Variants in MRTFB observed in about 807,000 individuals in gnomAD.
MRTFB encodes myocardin related transcription factor B.
MRTFB carries 29 observed loss-of-function variants against 104.2 expected under a neutral mutation model. The observed-to-expected ratio is 0.28, with a 90% CI of 0.21 to 0.38. The LOEUF is 0.38. Ranked by LOEUF, MRTFB falls within the 10% of genes least tolerant of loss-of-function variation. The pLI, the probability that MRTFB is intolerant of heterozygous loss-of-function variation, is 1.00. For synonymous variants in MRTFB, 535 were observed against 519.5 expected (o/e 1.03, Z -0.41); for missense variants, 1,270 against 1,341.6 (o/e 0.95, Z 0.83).
chr16:14,224,365 C>T (rs1341178539), intron 8 of MRTFB, among the ~76,000 whole-genome samples: 2 of 152,146 alleles, frequency 1.3e-5, no homozygotes, highest in Non-Finnish European at 2.9e-5. Flanking sequence ...TACAGTGTGC[C>T]TTTACAGTGT....
chr16:14,114,163 C>A (rs2036417693), intron 2 of MRTFB, among the ~76,000 whole-genome samples: 2 of 152,120 alleles, frequency 1.3e-5, no homozygotes, highest in South Asian at 4.1e-4. Flanking sequence ...AATGTCTTCC[C>A]AATTGACATC....
chr16:14,138,014 G>C (rs1456303997), intron 2 of MRTFB, among the ~76,000 whole-genome samples: 1 of 151,896 alleles, frequency 6.6e-6, no homozygotes, highest in Non-Finnish European at 1.5e-5. Context: ...TGATGTTTTA[G>C]CTGAAACTAT....
At chr16:14,013,870 C>T in the MRTFB span, among the ~76,000 whole-genome samples, 6,394 of 152,300 alleles carry the variant, frequency 0.042, 438 homozygotes, top group African/African-American at 0.14. Context: ...AGGTCTCACT[C>T]ACTGGAGGAC....
chr16:14,226,679 C>T (rs1324594617), intron 8 of MRTFB, among the ~76,000 whole-genome samples: 2 of 152,108 alleles, frequency 1.3e-5, no homozygotes, highest in African/African-American at 4.8e-5. Flanking sequence ...AGAAATCTTT[C>T]CTCAAAACGT....
chr16:14,218,483 T>C (rs2041531271), intron 7 of MRTFB, among the ~76,000 whole-genome samples: 1 of 152,162 alleles, frequency 6.6e-6, no homozygotes, highest in Admixed American at 6.5e-5. Context: ...TTCTTATTTG[T>C]TGAGAAAAAG....
chr16:14,050,513 C>T, the MRTFB span, among the ~76,000 whole-genome samples: 4 of 152,136 alleles, frequency 2.6e-5, no homozygotes, highest in Non-Finnish European at 5.9e-5. Context: ...TACTACTCCA[C>T]AGGCTGAGGC....
chr16:14,023,459 C>G, the MRTFB span, among the ~76,000 whole-genome samples: 556 of 151,870 alleles, frequency 3.7e-3, 10 homozygotes, highest in South Asian at 0.049. Context: ...GCCTGATGGC[C>G]TGTGCTTAAA....
intron 3 of MRTFB, among the ~76,000 whole-genome samples, chr16:14,185,866 G>A (rs2039934597): frequency 6.6e-6 from 1 of 152,114 alleles, no homozygotes; most frequent in African/African-American, 2.4e-5. Context: ...CTCCACATTT[G>A]CCTGGAATTC....
chr16:14,162,695 C>T (rs555343398), intron 3 of MRTFB, among the ~76,000 whole-genome samples: 28 of 152,168 alleles, frequency 1.8e-4, no homozygotes, highest in African/African-American at 6.0e-4. Context: ...TACTCTGTGG[C>T]GTTAGAAATC....
chr16:14,017,711 A>ATATATT, the MRTFB span, among the ~76,000 whole-genome samples: 6 of 33,594 alleles, frequency 1.8e-4, no homozygotes, highest in African/African-American at 7.1e-4. Context: ...ATATATATAT[A>ATATATT]TTTTTTTTTT....
chr16:14,188,733 C>A (rs2151042919), intron 3 of MRTFB, among the ~76,000 whole-genome samples: 1 of 152,292 alleles, frequency 6.6e-6, no homozygotes, highest in South Asian at 2.1e-4. Context: ...CTCATTTGTA[C>A]AATGAGGAGA....
intron 3 of MRTFB, among the ~76,000 whole-genome samples, chr16:14,146,033 G>A (rs2038294188): frequency 2.0e-5 from 3 of 152,238 alleles, no homozygotes; most frequent in African/African-American, 7.2e-5. Context: ...ATGCTGGCTG[G>A]TGAATTTAAG....
At chr16:14,228,845 T>C (rs1017101298) in intron 8 of MRTFB, among the ~76,000 whole-genome samples, 3 of 152,190 alleles carry the variant, frequency 2.0e-5, no homozygotes, top group Non-Finnish European at 4.4e-5. Flanking sequence ...GTGATTCCAC[T>C]TATATAAGAT....
At chr16:14,050,052 A>G in the MRTFB span, among the ~76,000 whole-genome samples, 1 of 152,172 alleles carries the variant, frequency 6.6e-6, no homozygotes, top group African/African-American at 2.4e-5. Flanking sequence ...AGATCATGAT[A>G]TTGGCAACTG....
At chr16:14,068,846 G>A (rs916052798), upstream of MRTFB, among the ~76,000 whole-genome samples, 5 of 151,918 alleles carry the variant, frequency 3.3e-5, no homozygotes, top group African/African-American at 9.7e-5. Flanking sequence ...TGCCTTCATC[G>A]CCATCAGTTG....
At position 14,156,087 on chromosome 16, in the gene MRTFB, T is replaced by C. The variant is rs572703232; in HGVS notation, c.154+15327T>C. On this transcript the variant is annotated intron_variant, in intron 3 of 16. Transcript: ENST00000571589. ...TCCAGGCAGAAAGTTAGGGCAATTATGGGCTCATCTCATTTGTTTCCCTCC... is the reference window on the plus strand; with the variant it reads ...TCCAGGCAGAAAGTTAGGGCAATTACGGGCTCATCTCATTTGTTTCCCTCC... Among the ~76,000 whole-genome samples the C allele has an allele frequency of 2.6e-5, 4 of 152,346 alleles. 1 individual carries two copies. The highest frequency in any genetic ancestry group is 9.6e-5 in the African/African-American group (4 of 41,588).
At chr16:14,253,286 G>C (rs1177959729) in intron 15 of MRTFB, among the ~76,000 whole-genome samples, 1 of 152,182 alleles carries the variant, frequency 6.6e-6, no homozygotes, top group African/African-American at 2.4e-5. Flanking sequence ...AAGAACCCCA[G>C]CCTCATAGAG....
At chr16:14,257,318 A>C (rs769421541) in intron 15 of MRTFB, among the ~76,000 whole-genome samples, 3 of 152,232 alleles carry the variant, frequency 2.0e-5, no homozygotes, top group Non-Finnish European at 4.4e-5. Context: ...TTTTTGTAAT[A>C]GCCAAAAATT....
the MRTFB span, among the ~76,000 whole-genome samples, chr16:14,011,701 G>T: frequency 6.6e-6 from 1 of 151,952 alleles, no homozygotes; most frequent in Non-Finnish European, 1.5e-5. Context: ...GTGAAACCCC[G>T]TCTCTACTAA....
Sources: allele counts gnomAD v4.1 joint callset (sites outside exome capture counted in the v4.1 genomes callset), GRCh38; gene constraint gnomAD v4.1.1; transcripts MANE v1.5; gene names NCBI Gene and HGNC (gene_info 2026-07-23, HGNC 2026-07-21).